Variants in RASAL2 observed in about 807,000 individuals in gnomAD.
The protein encoded by RASAL2 is ras GTPase-activating protein nGAP.
Under a neutral mutation model 128.9 loss-of-function variants are expected in RASAL2, and 58 were observed. That is an observed-to-expected ratio of 0.45 (90% CI 0.36 to 0.56). The LOEUF (loss-of-function observed/expected upper bound fraction) is 0.56, where lower values mean the gene tolerates loss of function less well. Among genes scored for constraint, RASAL2 ranks in the 20% least tolerant of loss-of-function variants. RASAL2 has a pLI of 0.00. For missense variants in RASAL2, 1,360 were observed against 1,601.6 expected, an observed-to-expected ratio of 0.85 and a Z score of 2.57; for synonymous variants, 561 against 580.8, an observed-to-expected ratio of 0.97 and a Z score of 0.49.
chr1:178,382,328 G>A (rs1341811841), intron 3 of RASAL2, among the ~76,000 whole-genome samples: 8 of 152,084 alleles, frequency 5.3e-5, no homozygotes, highest in Admixed American at 1.3e-4. Flanking sequence ...TTCTTGACTA[G>A]AATGTTTTTA....
intron 1 of RASAL2, among the ~76,000 whole-genome samples, chr1:178,275,103 G>A (rs193072608): frequency 2.0e-5 from 3 of 152,266 alleles, no homozygotes; most frequent in Admixed American, 2.0e-4. Context: ...TCTTACTGCT[G>A]GCACCATTCA....
chr1:178,161,718 G>A (rs1661302996), intron 1 of RASAL2, among the ~76,000 whole-genome samples: 3 of 152,008 alleles, frequency 2.0e-5, no homozygotes, highest in Admixed American at 2.0e-4. Context: ...CACCAGCAAT[G>A]AATAAGGATT....
chr1:178,107,923 A>G (rs550013396), intron 1 of RASAL2, among the ~76,000 whole-genome samples: 28 of 152,262 alleles, frequency 1.8e-4, no homozygotes, highest in African/African-American at 6.3e-4. Flanking sequence ...GAGCTTTGGT[A>G]TACAAATATC....
At chr1:178,131,366 C>G (rs1660109059) in intron 1 of RASAL2, among the ~76,000 whole-genome samples, 1 of 144,338 alleles carries the variant, frequency 6.9e-6, no homozygotes, top group Non-Finnish European at 1.5e-5. Context: ...ACTACCACGC[C>G]TGGATAATCT....
chr1:178,146,315 G>C (rs1288698832), intron 1 of RASAL2, among the ~76,000 whole-genome samples: 1 of 152,216 alleles, frequency 6.6e-6, no homozygotes, highest in Admixed American at 6.5e-5. Flanking sequence ...GTAGTCCTAA[G>C]AGGATTTTGA....
At chr1:178,411,151 GGT>G (rs970108945) in intron 4 of RASAL2, among the ~76,000 whole-genome samples, 4 of 80,404 alleles carry the variant, frequency 5.0e-5, no homozygotes, top group Admixed American at 4.6e-4. Context: ...AAGAAAATGT[GGT>G]GTGTGTGTGT....
intron 1 of RASAL2, among the ~76,000 whole-genome samples, chr1:178,113,758 A>G (rs749061303): frequency 1.3e-5 from 2 of 152,130 alleles, no homozygotes; most frequent in Non-Finnish European, 2.9e-5. Flanking sequence ...TGTTAAATCT[A>G]TAGATCAATT....
chr1:178,363,126 C>T (rs2102486160), intron 3 of RASAL2, among the ~76,000 whole-genome samples: 1 of 152,242 alleles, frequency 6.6e-6, no homozygotes, highest in Non-Finnish European at 1.5e-5. Flanking sequence ...GCATTTCCAC[C>T]AACAGTGTAC....
chr1:178,434,992 A>G (rs1007466340), intron 5 of RASAL2, among the ~76,000 whole-genome samples: 1 of 152,020 alleles, frequency 6.6e-6, no homozygotes, highest in African/African-American at 2.4e-5. Flanking sequence ...CAATTTTGTT[A>G]ATTACTACCT....
chr1:178,177,988 G>A (rs1376482706), intron 1 of RASAL2, among the ~76,000 whole-genome samples: 1 of 152,084 alleles, frequency 6.6e-6, no homozygotes, highest in African/African-American at 2.4e-5. Flanking sequence ...TATTGTAGGG[G>A]TTATTTCTCT....
intron 12 of RASAL2, 91 bp downstream of exon 12, chr1:178,454,739 T>C: frequency 8.8e-7 from 1 of 1,130,382 alleles, no homozygotes. Flanking sequence ...TTTCTGCTAA[T>C]TGAAAGCAAC....
chr1:178,470,840 G>A, intron 17 of RASAL2: 4 of 799,082 alleles, frequency 5.0e-6, no homozygotes, highest in Non-Finnish European at 7.4e-6. Context: ...TTCCTGTCAG[G>A]TGTGGACTAG....
intron 3 of RASAL2, among the ~76,000 whole-genome samples, chr1:178,343,167 C>T (rs1669973106): frequency 6.6e-6 from 1 of 151,584 alleles, no homozygotes; most frequent in Non-Finnish European, 1.5e-5. Flanking sequence ...TAAAGCCTGA[C>T]CTGCTCTTTC....
chr1:178,279,997 T>C (rs1190113813), intron 1 of RASAL2, among the ~76,000 whole-genome samples: 1 of 152,160 alleles, frequency 6.6e-6, no homozygotes, highest in Non-Finnish European at 1.5e-5. Flanking sequence ...CTCACATACA[T>C]GGGGTGAAAG....
intron 1 of RASAL2, among the ~76,000 whole-genome samples, chr1:178,148,875 C>G (rs1442882030): frequency 6.6e-6 from 1 of 151,880 alleles, no homozygotes; most frequent in Non-Finnish European, 1.5e-5. Context: ...TGGAGATTCT[C>G]TTTGTAATTT....
At chr1:178,169,496 C>A (rs1296662580) in intron 1 of RASAL2, among the ~76,000 whole-genome samples, 1 of 151,916 alleles carries the variant, frequency 6.6e-6, no homozygotes, top group Admixed American at 6.6e-5. Context: ...AATTGCTTAC[C>A]TTTGGGTATG....
At chr1:178,390,559 A>G (rs1241839420) in intron 4 of RASAL2, among the ~76,000 whole-genome samples, 1 of 151,934 alleles carries the variant, frequency 6.6e-6, no homozygotes, top group South Asian at 2.1e-4. Flanking sequence ...TTGTATTTTT[A>G]GTAGAGGCGG....
chr1:178,373,625 A>G (rs1437439714), intron 3 of RASAL2, among the ~76,000 whole-genome samples: 1 of 152,058 alleles, frequency 6.6e-6, no homozygotes, highest in Non-Finnish European at 1.5e-5. Flanking sequence ...GTGCTCTGGC[A>G]TACCTTTATG....
Position 178,454,463 on chromosome 1 carries a change from G to A in RASAL2, c.2026G>A (p.Glu676Lys). The change falls in exon 12 of 18, where the codon GAA becomes AAA. Residue 676 changes from glutamate (E) to lysine (K), a missense_variant. Physicochemically the swap from Glu to Lys is moderately conservative, Grantham distance 56. Transcript: ENST00000367649. ...CTACTTCAGGTTTGGTAACAAAGAG[G>A]AATACATGGCATTCATGAATGATTT... ...ANFAKFGNKE[E>K]YMAFMNDFLE... The A allele has an allele frequency of 6.2e-7, 1 of 1,611,606 alleles. No individual in the cohort carries two copies. Among genetic ancestry groups the A allele is most frequent in the Non-Finnish European group, 8.5e-7 (1 of 1,177,912 alleles).
Sources: gnomAD v4.1 joint callset for allele counts (sites outside exome capture counted in the v4.1 genomes callset) on GRCh38, gnomAD v4.1.1 for gene constraint, MANE v1.5 for transcripts, NCBI Gene and HGNC (gene_info 2026-07-23, HGNC 2026-07-21) for gene names.